TRDMT1: variants seen among roughly 807,000 people sequenced by gnomAD.
TRDMT1 encodes tRNA (cytosine(38)-C(5))-methyltransferase.
TRDMT1 carries 49 observed loss-of-function variants against 51.2 expected under a neutral mutation model. The ratio of observed to expected loss-of-function variants is 0.96; its 90% confidence interval spans 0.76 to 1.21. The LOEUF is 1.21. Ranked by LOEUF, TRDMT1 falls within the 50% of genes most tolerant of loss-of-function variation. The pLI, the probability that TRDMT1 is intolerant of heterozygous loss-of-function variation, is 0.00. For synonymous variants in TRDMT1, 187 were observed against 164.6 expected, an observed-to-expected ratio of 1.14 and a Z score of -1.04; for missense variants, 534 against 462.3, an observed-to-expected ratio of 1.16 and a Z score of -1.42.
chr10:17,175,673 GAAAA>G (rs111303184), intron 1 of TRDMT1, among the ~76,000 whole-genome samples: 1 of 128,868 alleles, frequency 7.8e-6, no homozygotes, highest in African/African-American at 2.8e-5. Context: ...ATCAAAAAAG[GAAAA>G]AAAAAAAAAA....
In TRDMT1 at chr10:17,144,502, G is replaced by A. The variant is rs947811370; in HGVS notation, c.*4538C>T. ...TTTGGAAGCTTTAGGAGTCAAGTGT[G>A]GTGTACTTGAGGGAGACTTCAGTAA... On this transcript the variant is annotated 3_prime_UTR_variant, in exon 11 of 11. Coordinates refer to ENST00000377799, the MANE Select transcript of TRDMT1 (RefSeq NM_004412.7). 1.0e-6 allele frequency: 1 copy of A among 985,524 alleles called. No individual in the cohort carries two copies. The highest frequency in any genetic ancestry group is 1.2e-6 in the Non-Finnish European group (1 of 829,838). The allele number at this position is 985,524 out of a possible 1,614,324, so 61.0% of individuals were successfully genotyped here. A position where few individuals can be genotyped will look rare whatever the true frequency, so the allele number is the denominator to read the frequency against.
chr10:17,180,262 C>T (rs533230207), intron 1 of TRDMT1, among the ~76,000 whole-genome samples: 28 of 152,168 alleles, frequency 1.8e-4, no homozygotes, highest in Admixed American at 1.1e-3. Flanking sequence ...CTCTTTCTGC[C>T]GGGTGTGGTG....
intron 3 of TRDMT1, among the ~76,000 whole-genome samples, chr10:17,163,787 G>A (rs909045122): frequency 7.9e-5 from 12 of 152,092 alleles, no homozygotes; most frequent in Non-Finnish European, 1.2e-4. Flanking sequence ...TAAATTCCTC[G>A]ACACATACAC....
rs1005897074 is a variant in TRDMT1 at position 17,148,103 on chromosome 10, A to G, written c.*937T>C. 44 of 985,294 alleles carry G rather than the reference A, an allele frequency of 4.5e-5. No homozygotes were observed. The highest frequency in any genetic ancestry group is 1.2e-4 in the Admixed American group (2 of 16,268). 61.0% of individuals were successfully genotyped at this position (985,294 alleles called of 1,614,324 possible). ...AATTTATGATGCAAGACTTAGTTTGATTAGAAACCCTAATTCCAAGAGGTC... is the reference window on the plus strand; with the variant it reads ...AATTTATGATGCAAGACTTAGTTTGGTTAGAAACCCTAATTCCAAGAGGTC... On this transcript the variant is annotated 3_prime_UTR_variant, in exon 11 of 11. Transcript: ENST00000377799.
chr10:17,196,116 C>T (rs900831616), intron 1 of TRDMT1, among the ~76,000 whole-genome samples: 2 of 152,100 alleles, frequency 1.3e-5, no homozygotes, highest in South Asian at 4.2e-4. Context: ...GCATGTAAGT[C>T]GTTGAGGAAC....
chr10:17,142,349 T>C lies in TRDMT1; in HGVS notation c.*6691A>G, dbSNP rs1399253850. On this transcript the variant is annotated 3_prime_UTR_variant, in exon 11 of 11. Coordinates refer to ENST00000377799, the MANE Select transcript of TRDMT1 (RefSeq NM_004412.7). ...GTGGGCTATGAGTCCAGTGGTAATT[T>C]AGTTTTTAAAGCCTTTGCAGTGTTA... 1 of 152,238 alleles carries C rather than the reference T, an allele frequency of 6.6e-6. No individual in the cohort carries two copies. Among genetic ancestry groups the C allele is most frequent in the Admixed American group, 6.5e-5 (1 of 15,288 alleles). The allele number at this position is 152,238 out of a possible 1,614,324, so 9.4% of individuals were successfully genotyped here. A position where few individuals can be genotyped will look rare whatever the true frequency, so the allele number is the denominator to read the frequency against.
At chr10:17,186,728 G>C (rs1843985044) in intron 1 of TRDMT1, among the ~76,000 whole-genome samples, 1 of 152,142 alleles carries the variant, frequency 6.6e-6, no homozygotes, top group South Asian at 2.1e-4. Flanking sequence ...TTTATATATA[G>C]GATAAGTGAT....
At chr10:17,156,362 G>A (rs1839507463) in intron 8 of TRDMT1, among the ~76,000 whole-genome samples, 1 of 151,784 alleles carries the variant, frequency 6.6e-6, no homozygotes, top group Non-Finnish European at 1.5e-5. Context: ...AGTCTCCCAA[G>A]TAGCTGGGAA....
intron 1 of TRDMT1, among the ~76,000 whole-genome samples, chr10:17,198,691 A>G (rs1845761922): frequency 6.6e-6 from 1 of 152,200 alleles, no homozygotes; most frequent in Non-Finnish European, 1.5e-5. Flanking sequence ...GCTCTGTTTG[A>G]GATGATTAAA....
chr10:17,193,083 G>A (rs973534190), intron 1 of TRDMT1, among the ~76,000 whole-genome samples: 1 of 152,152 alleles, frequency 6.6e-6, no homozygotes, highest in South Asian at 2.1e-4. Context: ...AAATAAAGGA[G>A]CCAGGCACAG....
chr10:17,174,026 G>A (rs952335453), intron 2 of TRDMT1, among the ~76,000 whole-genome samples: 4 of 152,080 alleles, frequency 2.6e-5, no homozygotes, highest in Non-Finnish European at 5.9e-5. Flanking sequence ...GCCTCCCAAA[G>A]TGCTGGCATT....
intron 8 of TRDMT1, among the ~76,000 whole-genome samples, chr10:17,157,173 T>C (rs567422019): frequency 6.6e-6 from 1 of 152,292 alleles, no homozygotes; most frequent in South Asian, 2.1e-4. Context: ...ATGTCTCCAC[T>C]ACGGGTATTT....
At chr10:17,181,913 G>C (rs1252467791) in intron 1 of TRDMT1, among the ~76,000 whole-genome samples, 1 of 152,046 alleles carries the variant, frequency 6.6e-6, no homozygotes, top group Non-Finnish European at 1.5e-5. Context: ...GATTTTCTTT[G>C]GGGGAAACTT....
At chr10:17,194,087 G>C (rs1345779916) in intron 1 of TRDMT1, among the ~76,000 whole-genome samples, 1 of 152,188 alleles carries the variant, frequency 6.6e-6, no homozygotes, top group Non-Finnish European at 1.5e-5. Context: ...ACGGTGCTAG[G>C]ATAGCTGGCT....
At position 17,141,804 on chromosome 10, in the gene TRDMT1, G is replaced by C. The variant is rs1197832099; in HGVS notation, c.*7236C>G. Among the ~76,000 whole-genome samples the C allele has an allele frequency of 6.6e-6, 1 of 152,190 alleles. No individual in the cohort carries two copies. Among genetic ancestry groups the C allele is most frequent in the East Asian group, 1.9e-4 (1 of 5,204 alleles). On this transcript the variant is annotated 3_prime_UTR_variant, in exon 11 of 11. Transcript: ENST00000377799. ...CCAAACAGGATATTACATTCACTTTGAAATATCTGCCACTTTGAAAGAAAT... is the reference window on the plus strand; with the variant it reads ...CCAAACAGGATATTACATTCACTTTCAAATATCTGCCACTTTGAAAGAAAT...
intron 1 of TRDMT1, among the ~76,000 whole-genome samples, chr10:17,178,657 C>A (rs1264518314): frequency 2.3e-5 from 3 of 128,112 alleles, no homozygotes; most frequent in Admixed American, 9.3e-5. Context: ...GCCTAGATGA[C>A]AGAATGAGAC....
intron 10 of TRDMT1, chr10:17,152,809 A>G (rs1838930093): frequency 6.6e-6 from 1 of 152,492 alleles, no homozygotes; most frequent in African/African-American, 2.4e-5. Flanking sequence ...CTGCCAATGG[A>G]ATTAGGCCTT....
chr10:17,170,970 A>G (rs960954580), intron 2 of TRDMT1, among the ~76,000 whole-genome samples: 2 of 151,698 alleles, frequency 1.3e-5, no homozygotes, highest in African/African-American at 4.8e-5. Context: ...TATTTATATG[A>G]TATTTCTCTG....
intron 3 of TRDMT1, among the ~76,000 whole-genome samples, 196 bp from the exon 4 acceptor site, chr10:17,162,433 C>T (rs563038395): frequency 3.3e-5 from 5 of 152,250 alleles, no homozygotes; most frequent in Admixed American, 1.3e-4. Flanking sequence ...GGGGTCCAGG[C>T]GCAGAGGCTC....
Sources: gnomAD v4.1 joint callset for allele counts (sites outside exome capture counted in the v4.1 genomes callset) on GRCh38, gnomAD v4.1.1 for gene constraint, MANE v1.5 for transcripts, NCBI Gene and HGNC (gene_info 2026-07-23, HGNC 2026-07-21) for gene names.